Variants in GRIA4 observed in about 807,000 individuals in gnomAD.
The protein encoded by GRIA4 is glutamate receptor 4.
Under a neutral mutation model 104.0 loss-of-function variants are expected in GRIA4, and 34 were observed. The observed-to-expected ratio is 0.33, with a 90% CI of 0.25 to 0.44. GRIA4 has a LOEUF of 0.44. GRIA4 is among the 20% of genes least tolerant of loss of function. The pLI, the probability that GRIA4 is intolerant of heterozygous loss-of-function variation, is 1.00. For missense variants in GRIA4, 750 were observed against 1,096.5 expected, an observed-to-expected ratio of 0.68 and a Z score of 4.46; for synonymous variants, 386 against 381.9, an observed-to-expected ratio of 1.01 and a Z score of -0.13.
At chr11:105,866,767 C>T (rs1045418160) in intron 5 of GRIA4, among the ~76,000 whole-genome samples, 2 of 151,482 alleles carry the variant, frequency 1.3e-5, no homozygotes, top group African/African-American at 2.4e-5. Context: ...TCTTACACTG[C>T]CTTGGGGGTT....
intron 3 of GRIA4, among the ~76,000 whole-genome samples, chr11:105,674,832 A>AT (rs1361289268): frequency 6.6e-6 from 1 of 151,932 alleles, no homozygotes; most frequent in Non-Finnish European, 1.5e-5. Context: ...TCCATGAAAA[A>AT]TAAAACAAAT....
intron 5 of GRIA4, among the ~76,000 whole-genome samples, chr11:105,878,226 T>C (rs1467652707): frequency 6.6e-6 from 1 of 152,208 alleles, no homozygotes; most frequent in Non-Finnish European, 1.5e-5. Flanking sequence ...CCTGTTTGCC[T>C]GGGTATCACC....
chr11:105,980,078 T>C lies in GRIA4; in HGVS notation c.*339T>C, dbSNP rs1859198160. ...ACTTATGAGTTAGCGCATTAAACTGTGAAGTTCTTGCTCAGAAAGGCCTTT... is the reference window on the plus strand; with the variant it reads ...ACTTATGAGTTAGCGCATTAAACTGCGAAGTTCTTGCTCAGAAAGGCCTTT... On this transcript the variant is annotated 3_prime_UTR_variant, in exon 17 of 17. Transcript: ENST00000282499. 1 of 192,030 alleles carries C rather than the reference T, an allele frequency of 5.2e-6. No individual in the cohort carries two copies. Among genetic ancestry groups the C allele is most frequent in the East Asian group, 1.2e-4 (1 of 8,406 alleles). The allele number at this position is 192,030 out of a possible 1,614,324, so 11.9% of individuals were successfully genotyped here.
intron 6 of GRIA4, among the ~76,000 whole-genome samples, chr11:105,888,573 A>G (rs1342853367): frequency 1.3e-5 from 2 of 151,800 alleles, no homozygotes; most frequent in African/African-American, 4.8e-5. Context: ...GGCGTGAGCC[A>G]CCACGCCCGG....
chr11:105,792,225 A>T (rs1033169725), intron 4 of GRIA4, among the ~76,000 whole-genome samples: 1 of 152,208 alleles, frequency 6.6e-6, no homozygotes, highest in Non-Finnish European at 1.5e-5. Flanking sequence ...TGAAATTTAC[A>T]GAAAGTACAA....
At chr11:105,948,589 C>CTTTTTTTTT (rs1383366276) in intron 14 of GRIA4, among the ~76,000 whole-genome samples, 3 of 111,210 alleles carry the variant, frequency 2.7e-5, no homozygotes, top group Non-Finnish European at 3.7e-5. Flanking sequence ...CTTTTCTTTT[C>CTTTTTTTTT]TTTTTGTTTT....
chr11:105,976,528 A>T (rs1299890815), intron 16 of GRIA4, among the ~76,000 whole-genome samples: 1 of 152,048 alleles, frequency 6.6e-6, no homozygotes, highest in Non-Finnish European at 1.5e-5. Flanking sequence ...TTTAAAAGAC[A>T]GTGGCATTTG....
At chr11:105,693,402 T>C (rs1337306626) in intron 3 of GRIA4, among the ~76,000 whole-genome samples, 1 of 152,150 alleles carries the variant, frequency 6.6e-6, no homozygotes, top group Non-Finnish European at 1.5e-5. Flanking sequence ...TCTCTAGCAG[T>C]GGTTTCGATT....
At chr11:105,815,323 G>A (rs1009205604) in intron 4 of GRIA4, among the ~76,000 whole-genome samples, 3 of 152,102 alleles carry the variant, frequency 2.0e-5, no homozygotes, top group Non-Finnish European at 4.4e-5. Flanking sequence ...CAAATTTGCT[G>A]TTCCCCAAAA....
At chr11:105,796,690 C>T (rs538727771) in intron 4 of GRIA4, among the ~76,000 whole-genome samples, 2 of 152,156 alleles carry the variant, frequency 1.3e-5, no homozygotes, top group East Asian at 1.9e-4. Context: ...GAAAAGTTAT[C>T]GTTTTGCTAG....
chr11:105,834,681 A>AT (rs1277816753), intron 4 of GRIA4, among the ~76,000 whole-genome samples: 1 of 150,364 alleles, frequency 6.7e-6, no homozygotes, highest in Non-Finnish European at 1.5e-5. Context: ...AAGGTTTCAG[A>AT]TGTAAGTATT....
intron 14 of GRIA4, among the ~76,000 whole-genome samples, chr11:105,962,956 ATATACT>A (rs1427582691): frequency 1.3e-5 from 2 of 152,136 alleles, no homozygotes; most frequent in Non-Finnish European, 2.9e-5. Context: ...AGTGACACTG[ATATACT>A]TAATCAGGGC....
At chr11:105,950,310 A>G (rs1948426713) in intron 14 of GRIA4, among the ~76,000 whole-genome samples, 1 of 152,188 alleles carries the variant, frequency 6.6e-6, no homozygotes, top group African/African-American at 2.4e-5. Context: ...CACTTGTCAT[A>G]AAAACAGTTC....
At chr11:105,908,121 A>G (rs1170586321) in intron 9 of GRIA4, among the ~76,000 whole-genome samples, 1 of 152,138 alleles carries the variant, frequency 6.6e-6, no homozygotes, top group African/African-American at 2.4e-5. Context: ...CTCAGTCCCT[A>G]TCTGTTCTCT....
At chr11:105,757,051 G>C (rs1011794386) in intron 4 of GRIA4, among the ~76,000 whole-genome samples, 1 of 152,072 alleles carries the variant, frequency 6.6e-6, no homozygotes, top group Non-Finnish European at 1.5e-5. Flanking sequence ...TGTAACTGAG[G>C]GAGAAATAAC....
chr11:105,810,486 G>A (rs747719967), intron 4 of GRIA4, among the ~76,000 whole-genome samples: 5 of 152,104 alleles, frequency 3.3e-5, no homozygotes, highest in African/African-American at 4.8e-5. Flanking sequence ...TAATGAACCT[G>A]CCACAGAAAG....
At chr11:105,728,408 G>T (rs767044968) in intron 3 of GRIA4, among the ~76,000 whole-genome samples, 2 of 152,074 alleles carry the variant, frequency 1.3e-5, no homozygotes, top group African/African-American at 2.4e-5. Flanking sequence ...AATAGTGGGA[G>T]ACTTTAACAC....
chr11:105,821,660 C>G (rs1201327867), intron 4 of GRIA4, among the ~76,000 whole-genome samples: 4 of 152,018 alleles, frequency 2.6e-5, no homozygotes, highest in South Asian at 4.1e-4. Context: ...ACACCTCCCA[C>G]CAGACCCCAC....
intron 3 of GRIA4, among the ~76,000 whole-genome samples, chr11:105,615,987 C>T (rs1950589194): frequency 6.6e-6 from 1 of 151,700 alleles, no homozygotes; most frequent in Non-Finnish European, 1.5e-5. Flanking sequence ...AAAAGGCAGT[C>T]CCTGTCCAAT....
Sources: allele counts gnomAD v4.1 joint callset (sites outside exome capture counted in the v4.1 genomes callset), GRCh38; gene constraint gnomAD v4.1.1; transcripts MANE v1.5; gene names NCBI Gene and HGNC (gene_info 2026-07-23, HGNC 2026-07-21).